Variants in COL23A1 observed in about 807,000 individuals in gnomAD.
COL23A1 encodes the protein collagen alpha-1(XXIII) chain.
COL23A1 carries 97 observed loss-of-function variants against 99.3 expected under a neutral mutation model. That is an observed-to-expected ratio of 0.98 (90% confidence interval 0.83 to 1.16). The LOEUF (loss-of-function observed/expected upper bound fraction) is 1.16. COL23A1 is among the 50% of genes most tolerant of loss of function. The pLI, the probability that COL23A1 is intolerant of heterozygous loss-of-function variation, is 0.00. For synonymous variants in COL23A1, 320 were observed against 308.2 expected (o/e 1.04, Z -0.40); for missense variants, 762 against 757.4 (o/e 1.01, Z -0.07).
Position 178,529,528 on chromosome 5 carries a change from C to T in COL23A1, c.361+31154G>A, listed in dbSNP as rs116642630. 4.6e-3 allele frequency among the ~76,000 whole-genome samples: 694 copies of T among 152,316 alleles called. 6 individuals are homozygous for T. Among genetic ancestry groups the T allele is most frequent in the African/African-American group, 0.016 (666 of 41,556 alleles). The stretch of plus-strand genomic sequence containing the variant: ...AGTGAGAAATCTACCCGTGGCCTTT[C>T]TAGTTACATAAACCAAAATCAAACA... On this transcript the variant is annotated intron_variant, in intron 2 of 28. Coordinates refer to ENST00000390654, the MANE Select transcript of COL23A1 (RefSeq NM_173465.4).
chr5:178,486,106 C>T (rs1757612501), intron 2 of COL23A1, among the ~76,000 whole-genome samples: 1 of 152,192 alleles, frequency 6.6e-6, no homozygotes, highest in Non-Finnish European at 1.5e-5. Context: ...CTGATGTGGA[C>T]GTGCAATACA....
chr5:178,414,298 T>C (rs891021832), intron 2 of COL23A1, among the ~76,000 whole-genome samples: 1 of 152,190 alleles, frequency 6.6e-6, no homozygotes, highest in East Asian at 1.9e-4. Context: ...ATCTACTTGA[T>C]TGCAAGCTCT....
intron 2 of COL23A1, among the ~76,000 whole-genome samples, chr5:178,311,920 C>G (rs1048385953): frequency 1.3e-5 from 2 of 151,624 alleles, no homozygotes; most frequent in African/African-American, 4.8e-5. Context: ...TAGTAGAGAC[C>G]GAGTTTCACC....
intron 2 of COL23A1, among the ~76,000 whole-genome samples, chr5:178,411,662 G>A (rs1765062454): frequency 6.6e-6 from 1 of 152,168 alleles, no homozygotes; most frequent in African/African-American, 2.4e-5. Context: ...CTGCTCAATG[G>A]GTATAGGTTC....
chr5:178,521,229 C>T (rs1216737101), intron 2 of COL23A1, among the ~76,000 whole-genome samples: 1 of 152,194 alleles, frequency 6.6e-6, no homozygotes, highest in Non-Finnish European at 1.5e-5. Flanking sequence ...GGTTATGGGG[C>T]ACATGACTTT....
At chr5:178,273,788 G>A (rs1228519773) in intron 5 of COL23A1, among the ~76,000 whole-genome samples, 1 of 152,230 alleles carries the variant, frequency 6.6e-6, no homozygotes, top group African/African-American at 2.4e-5. Context: ...GCTGCTGGGT[G>A]GGTATGGTCA....
At chr5:178,381,876 T>C (rs1223216817) in intron 2 of COL23A1, among the ~76,000 whole-genome samples, 1 of 152,278 alleles carries the variant, frequency 6.6e-6, no homozygotes, top group East Asian at 1.9e-4. Context: ...GCTCAAACCA[T>C]CCTTCCGCCT....
intron 3 of COL23A1, among the ~76,000 whole-genome samples, chr5:178,305,273 A>G (rs1758289227): frequency 6.6e-6 from 1 of 151,728 alleles, no homozygotes; most frequent in African/African-American, 2.4e-5. Flanking sequence ...AGCGCTAAGG[A>G]GTGTATCTGG....
chr5:178,573,049 G>C (rs753041023), intron 1 of COL23A1, among the ~76,000 whole-genome samples: 15 of 152,188 alleles, frequency 9.9e-5, no homozygotes, highest in Admixed American at 7.2e-4. Flanking sequence ...CAGGCAGGGA[G>C]GGATGGAAGG....
Position 178,439,057 on chromosome 5 carries a change from C to T in COL23A1, c.361+121625G>A, listed in dbSNP as rs1477329361. ...CATTCAAATCACCTGGGAGCTTGAA[C>T]CTCTCCATGCCCAGGCTGTGCGCAG... is the stretch of plus-strand genomic sequence containing the variant. On this transcript the variant is annotated intron_variant, in intron 2 of 28. Transcript: ENST00000390654. This position sits in a 1 kb window ranked among gnomAD's most constrained non-coding sequence, Gnocchi z 4.2. The T allele has an allele frequency of 6.6e-6, 1 of 152,340 alleles. No individual in the cohort carries two copies. Among genetic ancestry groups the T allele is most frequent in the East Asian group, 1.9e-4 (1 of 5,178 alleles). The allele number at this position is 152,340 out of a possible 1,614,324, so 9.4% of individuals were successfully genotyped here.
chr5:178,470,670 A>C (rs1756693543), intron 2 of COL23A1, among the ~76,000 whole-genome samples: 2 of 152,226 alleles, frequency 1.3e-5, no homozygotes, highest in South Asian at 2.1e-4. Context: ...CTCATACGAC[A>C]CAAGCATCCT....
At chr5:178,517,568 G>GTTTTTTTTTTTTTTTTTTTTTTTTTTT (rs70997606) in intron 2 of COL23A1, among the ~76,000 whole-genome samples, 2 of 108,242 alleles carry the variant, frequency 1.8e-5, no homozygotes, top group African/African-American at 7.7e-5. Flanking sequence ...TTTTTTTTTT[G>GTTTTTTTTTTTTTTTTTTTTTTTTTTT]TTTTTTTTTT....
At chr5:178,555,184 G>T (rs1316164761) in intron 2 of COL23A1, among the ~76,000 whole-genome samples, 2 of 152,098 alleles carry the variant, frequency 1.3e-5, no homozygotes, top group Non-Finnish European at 2.9e-5. Flanking sequence ...TTATTACAGG[G>T]ACAGCGGTCA....
chr5:178,560,768 A>G lies in COL23A1; in HGVS notation c.295-20T>C, dbSNP rs201371950. 3.8e-6 allele frequency: 6 copies of G among 1,595,026 alleles called. No individual in the cohort carries two copies. The highest frequency in any genetic ancestry group is 3.6e-5 in the Admixed American group (2 of 56,328). On this transcript the variant is annotated intron_variant, in intron 1 of 28. Transcript: ENST00000390654. ...CAACTTCTGAGCCGGAAAAAAAAAA[A>G]GAAAAAAAACGAGGAGAGAATGAGT...
chr5:178,403,282 C>T (rs145345078), intron 2 of COL23A1, among the ~76,000 whole-genome samples: 147 of 152,278 alleles, frequency 9.7e-4, no homozygotes, highest in Middle Eastern at 3.4e-3. Context: ...GACTTAGACA[C>T]AGTGGAGGAA....
chr5:178,245,403 A>G (rs1394885165), intron 25 of COL23A1, among the ~76,000 whole-genome samples: 3 of 147,888 alleles, frequency 2.0e-5, no homozygotes, highest in South Asian at 2.1e-4. Context: ...AGATGAATGG[A>G]TGGATGAGTC....
intron 2 of COL23A1, among the ~76,000 whole-genome samples, chr5:178,459,181 T>C (rs2647691): frequency 0.9 from 136,338 of 152,240 alleles, 61,323 homozygotes; most frequent in East Asian, 1. Flanking sequence ...TGGATTGCTA[T>C]TGGAAATTAA....
At chr5:178,414,840 G>T (rs901640977) in intron 2 of COL23A1, among the ~76,000 whole-genome samples, 4 of 152,168 alleles carry the variant, frequency 2.6e-5, no homozygotes, top group Non-Finnish European at 5.9e-5. Context: ...ACCCAGCTAA[G>T]GCAGCCACAT....
Position 178,290,508 on chromosome 5 carries a change from G to T in COL23A1, c.407-139C>A. 20 of 1,130,818 alleles carry T rather than the reference G, an allele frequency of 1.8e-5. No homozygotes were observed. The South Asian group carries it at 2.4e-4, about 14-fold the overall frequency. 70.0% of individuals were successfully genotyped at this position (1,130,818 alleles called of 1,614,324 possible). A position where few individuals can be genotyped will look rare whatever the true frequency, so the allele number is the denominator to read the frequency against. On this transcript the variant is annotated intron_variant, in intron 3 of 28. Coordinates refer to ENST00000390654, the MANE Select transcript of COL23A1 (RefSeq NM_173465.4). ...GGAAGGCTTTGATGCTGCCATGGCTGTTTCCTGCCACGGCCTGAAGCTGGG... is the reference window on the plus strand; with the variant it reads ...GGAAGGCTTTGATGCTGCCATGGCTTTTTCCTGCCACGGCCTGAAGCTGGG...
Sources: gnomAD v4.1 joint callset for allele counts (sites outside exome capture counted in the v4.1 genomes callset) on GRCh38, gnomAD v4.1.1 for gene constraint, Gnocchi (gnomAD v3.1) non-coding constraint, MANE v1.5 for transcripts, NCBI Gene and HGNC (gene_info 2026-07-23, HGNC 2026-07-21) for gene names.